Variants in CEP192 observed in about 807,000 individuals in gnomAD.
CEP192 encodes centrosomal protein of 192 kDa.
A neutral mutation model predicts 271.8 loss-of-function variants in CEP192; 151 were observed. The ratio of observed to expected loss-of-function variants is 0.56; its 90% CI spans 0.49 to 0.64. CEP192 has a LOEUF of 0.64. CEP192 is among the 30% of genes least tolerant of loss of function. CEP192 has a pLI of 0.00. For synonymous variants in CEP192, 995 were observed against 1,076.5 expected, an observed-to-expected ratio of 0.92 and a Z score of 1.48; for missense variants, 2,910 against 3,020.5, an observed-to-expected ratio of 0.96 and a Z score of 0.86.
At chr18:13,024,323 G>C (rs2035165583) in intron 9 of CEP192, 1 of 456,100 alleles carries the variant, frequency 2.2e-6, no homozygotes, top group South Asian at 1.6e-5. Flanking sequence ...GCTTTCTTTT[G>C]ACTAGTGTTT....
intron 21 of CEP192, among the ~76,000 whole-genome samples, chr18:13,063,385 C>T (rs1267072023): frequency 6.6e-6 from 1 of 152,118 alleles, no homozygotes; most frequent in African/African-American, 2.4e-5. Context: ...TTTGTTATTG[C>T]CCGTCTTTTG....
In CEP192 at chr18:13,068,171, T is replaced by TG; in HGVS notation, c.4693dup (p.Val1565GlyfsTer18). 6.2e-7 allele frequency: 1 copy of TG among 1,614,276 alleles called. No individual in the cohort carries two copies. Among genetic ancestry groups the TG allele is most frequent in the East Asian group, 2.2e-5 (1 of 44,892 alleles). On this transcript the variant is annotated frameshift_variant, in exon 23 of 45. Coordinates refer to ENST00000506447, the MANE Select transcript of CEP192 (RefSeq NM_032142.4). LOFTEE classifies it high-confidence loss of function. ...CTGTGGAAGTTGCTCCTTGCGCTGATGTGGTCACTCGGCTAGCAGGCCCTT... is the reference window on the plus strand; with the variant it reads ...CTGTGGAAGTTGCTCCTTGCGCTGATGGTGGTCACTCGGCTAGCAGGCCCTT...
At chr18:12,994,877 A>G (rs1356410132) in intron 1 of CEP192, among the ~76,000 whole-genome samples, 1 of 152,114 alleles carries the variant, frequency 6.6e-6, no homozygotes, top group Admixed American at 6.6e-5. Context: ...GGTAACCCTA[A>G]CATATGAGGA....
rs185359029 is a variant in CEP192 at position 13,063,913 on chromosome 18, C to T, written c.4489-3918C>T. On this transcript the variant is annotated intron_variant, in intron 21 of 44. Transcript: ENST00000506447. ...TCGGCTCACTGCAACCTCTGCCTCC[C>T]GGGTTCAAGCTGTTCTCCTGCCTCA... Among the ~76,000 whole-genome samples the T allele has an allele frequency of 6.1e-3, 930 of 151,656 alleles. 8 individuals are homozygous for T. Among genetic ancestry groups the T allele is most frequent in the Non-Finnish European group, 1.0e-2 (676 of 67,908 alleles).
Position 13,052,930 on chromosome 18 carries a change from A to AGTCCTTTG in CEP192, c.3032_3039dup (p.Ser1014ProfsTer27). 1 of 1,605,834 alleles carries AGTCCTTTG rather than the reference A, an allele frequency of 6.2e-7. No individual in the cohort carries two copies. Among genetic ancestry groups the AGTCCTTTG allele is most frequent in the Non-Finnish European group, 8.5e-7 (1 of 1,175,408 alleles). On this transcript the variant is annotated frameshift_variant, in exon 18 of 45. Coordinates refer to ENST00000506447, the MANE Select transcript of CEP192 (RefSeq NM_032142.4). LOFTEE classifies it high-confidence loss of function. ...CTCTTCTCTTTCAGGTGTGCGTTAGAGTCCTTTGGTTCAGCAGCTCAGCAG... is the reference window on the plus strand; with the variant it reads ...CTCTTCTCTTTCAGGTGTGCGTTAGAGTCCTTTGGTCCTTTGGTTCAGCAGCTCAGCAG...
chr18:13,117,677 G>A (rs766817739), intron 44 of CEP192, 34 bp downstream of exon 44: 1 of 1,545,518 alleles, frequency 6.5e-7, no homozygotes, highest in East Asian at 2.3e-5. Context: ...GTTCTCATCA[G>A]CGATGCAGGA....
At chr18:13,010,046 C>G (rs974266669) in intron 4 of CEP192, among the ~76,000 whole-genome samples, 10 of 151,956 alleles carry the variant, frequency 6.6e-5, no homozygotes, top group Non-Finnish European at 1.5e-4. Flanking sequence ...TTAGTCCCAG[C>G]TACTTGGGAG....
At chr18:13,038,967 A>G (rs369814691) in intron 13 of CEP192, among the ~76,000 whole-genome samples, 3 of 152,366 alleles carry the variant, frequency 2.0e-5, no homozygotes, top group Middle Eastern at 3.4e-3. Flanking sequence ...TTTAAAAACT[A>G]TTGTCTAAAG....
At chr18:13,033,676 G>T (rs1365772649) in intron 11 of CEP192, among the ~76,000 whole-genome samples, 1 of 152,146 alleles carries the variant, frequency 6.6e-6, no homozygotes, top group Non-Finnish European at 1.5e-5. Context: ...GACAAAATAG[G>T]GTATAAATTA....
At chr18:13,052,846 G>A (rs1201360581) in intron 17 of CEP192, 73 bp from the exon 18 acceptor site, 3 of 1,188,222 alleles carry the variant, frequency 2.5e-6, no homozygotes, top group South Asian at 2.2e-5. Context: ...TAGGCCCATA[G>A]GAATGGTTTT....
intron 1 of CEP192, among the ~76,000 whole-genome samples, chr18:12,997,905 A>G (rs908332551): frequency 6.6e-6 from 1 of 151,902 alleles, no homozygotes; most frequent in Non-Finnish European, 1.5e-5. Context: ...TTGTATTTTT[A>G]GTAGAGACGA....
chr18:13,040,919 A>G lies in CEP192; in HGVS notation c.1899A>G (p.Glu633=). The G allele has an allele frequency of 1.2e-6, 2 of 1,611,912 alleles. No homozygotes were observed. Among genetic ancestry groups the G allele is most frequent in the Non-Finnish European group, 1.7e-6 (2 of 1,178,580 alleles). Residue 633 remains glutamate, a synonymous_variant, in exon 14 of 45, where the codon GAA becomes GAG. Transcript: ENST00000506447. ...RKSDVSRGNL[E]KEMAHLNHDL... ...CTGATGTATCAAGAGGTAATTTGGAAAAAGAAATGGCTCATCTTAACCATG... is the reference window on the plus strand; with the variant it reads ...CTGATGTATCAAGAGGTAATTTGGAGAAAGAAATGGCTCATCTTAACCATG...
In CEP192 at chr18:13,010,182, T is replaced by A. The variant is rs117799183; in HGVS notation, c.466+1551T>A. Reference sequence around the variant, plus strand: ...AAATAAAAATATAGGGAAAGTTGTTTAAAAAAATCATAGGCTTCTGCTGTC... The same window carrying A: ...AAATAAAAATATAGGGAAAGTTGTTAAAAAAAATCATAGGCTTCTGCTGTC... On this transcript the variant is annotated intron_variant, in intron 4 of 44. Coordinates refer to ENST00000506447, the MANE Select transcript of CEP192 (RefSeq NM_032142.4). 2.5e-3 allele frequency among the ~76,000 whole-genome samples: 382 copies of A among 152,152 alleles called. 9 individuals are homozygous for A. The East Asian group carries it at 0.049, about 20-fold the overall frequency.
chr18:13,026,904 G>T (rs1440382373), intron 9 of CEP192, among the ~76,000 whole-genome samples: 1 of 152,062 alleles, frequency 6.6e-6, no homozygotes, highest in East Asian at 1.9e-4. Context: ...TGCTTGCCTT[G>T]TCTCTTCAAA....
intron 9 of CEP192, 67 bp downstream of exon 9, chr18:13,019,273 A>G (rs1171156057): frequency 4.6e-6 from 6 of 1,295,146 alleles, no homozygotes; most frequent in Admixed American, 3.7e-5. Context: ...TGTTTATATG[A>G]TATCAGTTTT....
At chr18:13,101,129 G>A (rs2039684275) in intron 38 of CEP192, among the ~76,000 whole-genome samples, 1 of 152,168 alleles carries the variant, frequency 6.6e-6, no homozygotes, top group South Asian at 2.1e-4. Flanking sequence ...TTGTGATTCT[G>A]GGCGGCGGCA....
chr18:13,117,498 C>A, intron 43 of CEP192, 87 bp from the exon 44 acceptor site: 2 of 920,672 alleles, frequency 2.2e-6, no homozygotes, highest in Non-Finnish European at 3.5e-6. Flanking sequence ...CAAAATGTAT[C>A]TGTAATAAAT....
intron 3 of CEP192, among the ~76,000 whole-genome samples, chr18:13,008,167 G>T (rs2034095981): frequency 6.6e-6 from 1 of 152,208 alleles, no homozygotes; most frequent in African/African-American, 2.4e-5. Context: ...TAGTTTCAAG[G>T]ATACTTATTT....
chr18:13,083,284 C>T (rs1180853755), intron 30 of CEP192, among the ~76,000 whole-genome samples: 1 of 152,228 alleles, frequency 6.6e-6, no homozygotes, highest in East Asian at 1.9e-4. Flanking sequence ...GATGTTTTCA[C>T]ATAGTCCCAT....
Sources: gnomAD v4.1 joint callset for allele counts (sites outside exome capture counted in the v4.1 genomes callset) on GRCh38, gnomAD v4.1.1 for gene constraint, MANE v1.5 for transcripts, NCBI Gene and HGNC (gene_info 2026-07-23, HGNC 2026-07-21) for gene names.